CDADC1: variants seen among roughly 807,000 people sequenced by gnomAD.
CDADC1 encodes dCTP deaminase.
In CDADC1, 39 loss-of-function variants were observed where a neutral mutation model predicts 54.9. The ratio of observed to expected loss-of-function variants is 0.71; its 90% confidence interval spans 0.55 to 0.93. The LOEUF is 0.93. Among genes scored for constraint, CDADC1 ranks in the 40% least tolerant of loss-of-function variants. The pLI is 0.00. For synonymous variants in CDADC1, 186 were observed against 204.0 expected, an observed-to-expected ratio of 0.91 and a Z score of 0.75; for missense variants, 518 against 618.8, an observed-to-expected ratio of 0.84 and a Z score of 1.73.
chr13:49,261,612 G>A (rs1024344330), intron 4 of CDADC1, among the ~76,000 whole-genome samples: 1 of 152,196 alleles, frequency 6.6e-6, no homozygotes, highest in Non-Finnish European at 1.5e-5. Flanking sequence ...ATTGCATTAG[G>A]CAAGGTCCAA....
At chr13:49,257,678 C>T (rs1211700430) in intron 3 of CDADC1, among the ~76,000 whole-genome samples, 1 of 152,180 alleles carries the variant, frequency 6.6e-6, no homozygotes, top group East Asian at 1.9e-4. Context: ...AGGAGAATGG[C>T]ATGAACCCGG....
chr13:49,279,236 ACGG>A (rs1953241687), intron 7 of CDADC1, among the ~76,000 whole-genome samples: 1 of 152,126 alleles, frequency 6.6e-6, no homozygotes, highest in Admixed American at 6.6e-5. Flanking sequence ...GGGATATGAG[ACGG>A]CATCCACCTC....
chr13:49,292,095 C>T lies in CDADC1; in HGVS notation c.*338C>T. ...GGGTCTGCTTCACAAGAGGTCATGC[C>T]TCTGCAGGGAATCACACACCTTTTG... On this transcript the variant is annotated 3_prime_UTR_variant, in exon 10 of 10. Transcript: ENST00000251108. The T allele has an allele frequency of 9.4e-7, 1 of 1,059,026 alleles. No individual in the cohort carries two copies. The highest frequency in any genetic ancestry group is 1.1e-6 in the Non-Finnish European group (1 of 874,570). The allele number at this position is 1,059,026 out of a possible 1,614,324, so 65.6% of individuals were successfully genotyped here.
Position 49,249,067 on chromosome 13 carries a change from C to T in CDADC1, c.177+102C>T. The stretch of plus-strand genomic sequence containing the variant: ...ATACCTAAAACCAAACTTAACAAGG[C>T]TTAAGATTTAAAAAATATCTTTATT... On this transcript the variant is annotated intron_variant, in intron 2 of 9. Transcript: ENST00000251108. The T allele has an allele frequency of 5.6e-6, 4 of 711,262 alleles. No individual in the cohort carries two copies. In the Admixed American group the frequency reaches 9.1e-5, roughly 16 times the overall value. 44.1% of individuals were successfully genotyped at this position (711,262 alleles called of 1,614,324 possible).
chr13:49,288,890 T>C (rs1953605389), intron 9 of CDADC1, among the ~76,000 whole-genome samples: 1 of 152,076 alleles, frequency 6.6e-6, no homozygotes, highest in African/African-American at 2.4e-5. Flanking sequence ...AAAATAGAGA[T>C]AAGAAGGCAT....
At chr13:49,253,323 T>C (rs1297994426) in intron 2 of CDADC1, among the ~76,000 whole-genome samples, 9 of 152,200 alleles carry the variant, frequency 5.9e-5, no homozygotes, top group Non-Finnish European at 2.9e-5. Context: ...TTCTCAGTCT[T>C]TTTTCTCTTA....
In CDADC1 at chr13:49,287,484, A is replaced by G. The variant is rs200120483; in HGVS notation, c.1471+1202A>G. 9.1e-4 allele frequency among the ~76,000 whole-genome samples: 138 copies of G among 151,706 alleles called. 1 individual carries two copies. In the Middle Eastern group the frequency reaches 0.014, roughly 15 times the overall value. On this transcript the variant is annotated intron_variant, in intron 9 of 9. Coordinates refer to ENST00000251108, the MANE Select transcript of CDADC1 (RefSeq NM_030911.4). ...AAAGGCTGTATCTATCTATCTATCT[A>G]TCTATCTATCTATCTATCTATCTAT...
intron 3 of CDADC1, among the ~76,000 whole-genome samples, 165 bp downstream of exon 3, chr13:49,256,078 T>TA (rs61624498): frequency 0.24 from 35,551 of 149,824 alleles, 5,139 homozygotes; most frequent in East Asian, 0.35. Flanking sequence ...TCCTTTTTTT[T>TA]AAAAAAAAAA....
intron 2 of CDADC1, 141 bp downstream of exon 2, chr13:49,249,106 C>G: frequency 1.6e-6 from 1 of 607,172 alleles, no homozygotes; most frequent in Non-Finnish European, 2.9e-6. Flanking sequence ...TAACATGACA[C>G]TTTATAATTC....
At chr13:49,254,701 ATC>A (rs1473703533) in intron 2 of CDADC1, among the ~76,000 whole-genome samples, 3 of 152,094 alleles carry the variant, frequency 2.0e-5, no homozygotes, top group Non-Finnish European at 4.4e-5. Flanking sequence ...GCACCTGGCT[ATC>A]TCACCTATTT....
chr13:49,256,078 T>G (rs35925057), intron 3 of CDADC1, among the ~76,000 whole-genome samples, 165 bp downstream of exon 3: 2 of 149,962 alleles, frequency 1.3e-5, no homozygotes, highest in Non-Finnish European at 3.0e-5. Flanking sequence ...TCCTTTTTTT[T>G]AAAAAAAAAA....
chr13:49,290,354 T>A (rs1019849464), intron 9 of CDADC1, among the ~76,000 whole-genome samples: 2 of 151,906 alleles, frequency 1.3e-5, no homozygotes, highest in Admixed American at 6.6e-5. Flanking sequence ...ATTTTATTGT[T>A]AGGCTTTAGA....
chr13:49,267,974 GATTAATGAAATTCACA>G lies in CDADC1; in HGVS notation c.918_933del (p.Asn307LysfsTer51). The G allele has an allele frequency of 6.2e-7, 1 of 1,614,116 alleles. No homozygotes were observed. ...GATTTTACCGTAGCAATCCAGAACA[GATTAATGAAATTCACA>G]ATCAAAGTTTGCCACAGGAAATTGC... is the stretch of plus-strand genomic sequence containing the variant. On this transcript the variant is annotated frameshift_variant, in exon 5 of 10. Coordinates refer to ENST00000251108, the MANE Select transcript of CDADC1 (RefSeq NM_030911.4). LOFTEE classifies it high-confidence loss of function.
intron 8 of CDADC1, among the ~76,000 whole-genome samples, chr13:49,282,752 T>A: frequency 6.6e-6 from 1 of 152,242 alleles, no homozygotes; most frequent in East Asian, 1.9e-4. Context: ...AAGCTCTGCC[T>A]CCGGCCAGAT....
At chr13:49,256,078 T>TAAA (rs61624498) in intron 3 of CDADC1, among the ~76,000 whole-genome samples, 165 bp downstream of exon 3, 24 of 150,058 alleles carry the variant, frequency 1.6e-4, no homozygotes, top group East Asian at 1.2e-3. Flanking sequence ...TCCTTTTTTT[T>TAAA]AAAAAAAAAA....
At chr13:49,267,345 C>T in intron 4 of CDADC1, 145 bp from the exon 5 acceptor site, 11 of 712,514 alleles carry the variant, frequency 1.5e-5, no homozygotes, top group Non-Finnish European at 2.2e-5. Flanking sequence ...TTTGCCAACC[C>T]TCAGGCTATA....
At chr13:49,277,476 A>C (rs1359811358) in intron 6 of CDADC1, among the ~76,000 whole-genome samples, 3 of 152,124 alleles carry the variant, frequency 2.0e-5, no homozygotes, top group Admixed American at 2.0e-4. Flanking sequence ...GATGTTTGAC[A>C]TTTAGTAAAT....
chr13:49,251,804 A>C (rs747654591), intron 2 of CDADC1, among the ~76,000 whole-genome samples: 1 of 152,046 alleles, frequency 6.6e-6, no homozygotes, highest in African/African-American at 2.4e-5. Context: ...ACAAAATTTT[A>C]TACAACTTTA....
At chr13:49,274,050 C>G (rs1195020778) in intron 5 of CDADC1, among the ~76,000 whole-genome samples, 8 of 152,086 alleles carry the variant, frequency 5.3e-5, no homozygotes, top group Non-Finnish European at 1.2e-4. Flanking sequence ...TTAGTGGCCT[C>G]CACATACGTA....
Sources: allele counts gnomAD v4.1 joint callset (sites outside exome capture counted in the v4.1 genomes callset), GRCh38; gene constraint gnomAD v4.1.1; transcripts MANE v1.5; gene names NCBI Gene and HGNC (gene_info 2026-07-23, HGNC 2026-07-21).